Variants in SPNS2 observed in about 807,000 individuals in gnomAD.
SPNS2 encodes the protein sphingosine-1-phosphate transporter SPNS2.
In SPNS2, 37 loss-of-function variants were observed where a neutral mutation model predicts 57.6. The observed-to-expected ratio is 0.64, with a 90% CI of 0.49 to 0.85. The LOEUF is 0.85. SPNS2 is among the 40% of genes least tolerant of loss of function. SPNS2 has a pLI of 0.00. For synonymous variants in SPNS2, 440 were observed against 346.9 expected, an observed-to-expected ratio of 1.27 and a Z score of -2.98; for missense variants, 831 against 779.1, an observed-to-expected ratio of 1.07 and a Z score of -0.79.
At position 4,536,172 on chromosome 17, in the gene SPNS2, T is replaced by C; in HGVS notation, c.1441T>C (p.Phe481Leu). 4 of 1,611,556 alleles carry C rather than the reference T, an allele frequency of 2.5e-6. No homozygotes were observed. Among genetic ancestry groups the C allele is most frequent in the Non-Finnish European group, 3.4e-6 (4 of 1,179,362 alleles). ...CGCCGGGAGCCCCTACCTCATTGGC[T>C]TTGTGAGTAGCCCCGGGGTGGGGCT... ...GDAGSPYLIG[F>L]ISDLIRQSTK... is the part of the protein sequence containing the mutation. Residue 481 changes from phenylalanine (F) to leucine (L), a missense_variant and splice_region_variant, in exon 10 of 13, where the codon TTT becomes CTT. By Grantham distance (22) the Phe-to-Leu change is conservative. Coordinates refer to ENST00000329078, the MANE Select transcript of SPNS2 (RefSeq NM_001124758.3).
intron 9 of SPNS2, among the ~76,000 whole-genome samples, chr17:4,534,707 T>C (rs968627104): frequency 4.6e-5 from 7 of 151,934 alleles, no homozygotes; most frequent in African/African-American, 1.7e-4. Flanking sequence ...TCCTCCCGAG[T>C]CCATGGGCTG....
chr17:4,528,887 T>C (rs1162006827), intron 3 of SPNS2, among the ~76,000 whole-genome samples: 1 of 152,024 alleles, frequency 6.6e-6, no homozygotes, highest in African/African-American at 2.4e-5. Context: ...GATCCTCCTG[T>C]CTCAGTCTCC....
In SPNS2 at chr17:4,537,967, G is replaced by C. The variant is rs1905957389; in HGVS notation, c.*519G>C. 2.8e-6 allele frequency: 1 copy of C among 363,562 alleles called. No homozygotes were observed. Among genetic ancestry groups the C allele is most frequent in the Non-Finnish European group, 5.5e-6 (1 of 181,020 alleles). 22.5% of individuals were successfully genotyped at this position (363,562 alleles called of 1,614,324 possible). On this transcript the variant is annotated 3_prime_UTR_variant, in exon 13 of 13. Transcript: ENST00000329078. ...CTCACGCGAGGGCCTGGTATGCAGG[G>C]ACCACTGCTCAGCTGGGCCTCGGAC...
Position 4,525,160 on chromosome 17 carries a change from C to T in SPNS2, c.540C>T (p.Ala180=), listed in dbSNP as rs372647794. 16 of 1,614,074 alleles carry T rather than the reference C, an allele frequency of 9.9e-6. No homozygotes were observed. Among genetic ancestry groups the T allele is most frequent in the South Asian group, 6.6e-5 (6 of 91,094 alleles). ...GCTGCGGCATTTTCTTCTGGTCGGC[C>T]GTCACCTTCTCCAGCTCCTTCATTC... ...ILSCGIFFWS[A]VTFSSSFIPQ... Residue 180 remains alanine (A), a synonymous_variant, in exon 3 of 13, where the codon GCC becomes GCT. Transcript: ENST00000329078.
intron 2 of SPNS2, among the ~76,000 whole-genome samples, chr17:4,518,281 T>C (rs1164015656): frequency 6.6e-6 from 1 of 151,938 alleles, no homozygotes; most frequent in Admixed American, 6.5e-5. Flanking sequence ...TCCCAGCACT[T>C]TGGGAGGCTG....
chr17:4,522,313 C>T (rs967809008), intron 2 of SPNS2, among the ~76,000 whole-genome samples: 6 of 152,206 alleles, frequency 3.9e-5, no homozygotes, highest in African/African-American at 1.2e-4. Flanking sequence ...TGGCTGTGGC[C>T]TGACTGAGGT....
At position 4,537,557 on chromosome 17, in the gene SPNS2, G is replaced by A. The variant is rs543989904; in HGVS notation, c.*109G>A. ...CCCCAAAGCTTTCTGTGTGATCCACGGCTAGGCACCCACCCTCTCTGGCCC... is the reference window on the plus strand; with the variant it reads ...CCCCAAAGCTTTCTGTGTGATCCACAGCTAGGCACCCACCCTCTCTGGCCC... On this transcript the variant is annotated 3_prime_UTR_variant, in exon 13 of 13. Coordinates refer to ENST00000329078, the MANE Select transcript of SPNS2 (RefSeq NM_001124758.3). 117 of 456,776 alleles carry A rather than the reference G, an allele frequency of 2.6e-4. No homozygotes were observed. Among genetic ancestry groups the A allele is most frequent in the Non-Finnish European group, 4.8e-4 (109 of 226,970 alleles). 28.3% of individuals were successfully genotyped at this position (456,776 alleles called of 1,614,324 possible).
intron 11 of SPNS2, 40 bp from the exon 12 acceptor site, chr17:4,536,860 G>C: frequency 6.3e-7 from 1 of 1,593,040 alleles, no homozygotes; most frequent in Non-Finnish European, 8.6e-7. Flanking sequence ...CCCGGCCCCC[G>C]CTGATGCACC....
intron 1 of SPNS2, among the ~76,000 whole-genome samples, chr17:4,502,017 G>C (rs1047044386): frequency 6.6e-6 from 1 of 152,168 alleles, no homozygotes; most frequent in Non-Finnish European, 1.5e-5. Context: ...AAATAGGTGT[G>C]ATTAATTCAT....
Position 4,534,109 on chromosome 17 carries a change from TAGTGGCTG to T in SPNS2, c.1344+257_1344+264del, listed in dbSNP as rs567961547. ...GGAGGGGGCATCTCGAGGCTCAGGT[TAGTGGCTG>T]GGAGGCTGGCGGTGCCAGGCTGGCA... On this transcript the variant is annotated intron_variant, in intron 9 of 12. Transcript: ENST00000329078. Among the ~76,000 whole-genome samples the T allele has an allele frequency of 2.7e-4, 41 of 152,306 alleles. 1 individual carries two copies. The East Asian group carries it at 3.1e-3, about 11-fold the overall frequency.
At chr17:4,508,912 C>G (rs1307852704) in intron 1 of SPNS2, among the ~76,000 whole-genome samples, 1 of 152,112 alleles carries the variant, frequency 6.6e-6, no homozygotes, top group Non-Finnish European at 1.5e-5. Flanking sequence ...GAGGCCCAGA[C>G]CAGGACTTAG....
chr17:4,536,470 A>G (rs761563286), intron 11 of SPNS2, 44 bp downstream of exon 11: 8 of 1,568,188 alleles, frequency 5.1e-6, no homozygotes, highest in South Asian at 1.1e-5. Flanking sequence ...GCCGGGAAGC[A>G]GGGACCGTGA....
rs754974683 is a variant in SPNS2, at chr17:4,512,088, C to G, written c.371-1159C>G. On this transcript the variant is annotated intron_variant, in intron 1 of 12. Coordinates refer to ENST00000329078, the MANE Select transcript of SPNS2 (RefSeq NM_001124758.3). The surrounding 1 kb of genome is among the most constrained non-coding windows in gnomAD (Gnocchi z 5.2). ...TTTAATGCTCAGTTCGGCAAACCAT[C>G]ATCTGTTGAATGCTGCCATCATCAT... Among the ~76,000 whole-genome samples, 2 of 152,250 alleles carry G rather than the reference C, an allele frequency of 1.3e-5. No individual in the cohort carries two copies. The highest frequency in any genetic ancestry group is 2.9e-5 in the Non-Finnish European group (2 of 68,044).
chr17:4,536,153 G>A lies in SPNS2; in HGVS notation c.1422G>A (p.Gly474=), dbSNP rs575930540. 6.2e-7 allele frequency: 1 copy of A among 1,612,490 alleles called. No homozygotes were observed. The highest frequency in any genetic ancestry group is 8.5e-7 in the Non-Finnish European group (1 of 1,179,848). ...CCTCCCACCTGCTGGGGGACGCCGGGAGCCCCTACCTCATTGGCTTTGTGA... is the reference window on the plus strand; with the variant it reads ...CCTCCCACCTGCTGGGGGACGCCGGAAGCCCCTACCTCATTGGCTTTGTGA... ...SFTSHLLGDA[G]SPYLIGFISD... is the part of the protein sequence containing the mutation. Residue 474 remains glycine, a synonymous_variant, in exon 10 of 13, where the codon GGG becomes GGA. Transcript: ENST00000329078.
chr17:4,522,457 C>T (rs1018342666), intron 2 of SPNS2, among the ~76,000 whole-genome samples: 4 of 152,306 alleles, frequency 2.6e-5, no homozygotes, highest in African/African-American at 7.2e-5. Context: ...ACCACCCACG[C>T]GCACTCACTG....
intron 1 of SPNS2, among the ~76,000 whole-genome samples, chr17:4,506,885 A>T (rs1265137910): frequency 6.6e-6 from 1 of 152,158 alleles, no homozygotes; most frequent in Non-Finnish European, 1.5e-5. Flanking sequence ...CCCAGCAGGG[A>T]TGTCTTGGGA....
chr17:4,520,093 G>T (rs377215550), intron 2 of SPNS2, among the ~76,000 whole-genome samples: 147 of 152,336 alleles, frequency 9.6e-4, no homozygotes, highest in African/African-American at 3.4e-3. Context: ...TTCCTAATTT[G>T]GTCTGTCATC....
At chr17:4,537,035 C>CA in intron 12 of SPNS2, 89 bp downstream of exon 12, 1 of 1,386,104 alleles carries the variant, frequency 7.2e-7, no homozygotes, top group Non-Finnish European at 1.0e-6. Flanking sequence ...CCTCCAGAGT[C>CA]ACCTCCTACC....
In SPNS2 at chr17:4,532,854, CCCTCACCCCTGGAG is replaced by C. The variant is rs989181750; in HGVS notation, c.936-119_936-106del. 2.0e-6 allele frequency: 3 copies of C among 1,470,798 alleles called. No individual in the cohort carries two copies. In the African/African-American group the frequency reaches 4.2e-5, roughly 21 times the overall value. 91.1% of individuals were successfully genotyped at this position (1,470,798 alleles called of 1,614,324 possible). On this transcript the variant is annotated intron_variant, in intron 6 of 12. Coordinates refer to ENST00000329078, the MANE Select transcript of SPNS2 (RefSeq NM_001124758.3). Reference sequence around the variant, plus strand: ...GAATCGATTATTCCTGCAGCCTGAACCCTCACCCCTGGAGCCTGTAAGACGAGGCATTTGGGGGC... The same window carrying C: ...GAATCGATTATTCCTGCAGCCTGAACCCTGTAAGACGAGGCATTTGGGGGC...
Sources: gnomAD v4.1 joint callset for allele counts (sites outside exome capture counted in the v4.1 genomes callset) on GRCh38, gnomAD v4.1.1 for gene constraint, Gnocchi (gnomAD v3.1) non-coding constraint, MANE v1.5 for transcripts, NCBI Gene and HGNC (gene_info 2026-07-23, HGNC 2026-07-21) for gene names.